KCND2: variants seen among roughly 807,000 people sequenced by gnomAD.
The protein encoded by KCND2 is potassium voltage-gated channel subfamily D member 2.
KCND2 carries 16 observed loss-of-function variants against 54.4 expected under a neutral mutation model. The ratio of observed to expected loss-of-function variants is 0.29; its 90% CI spans 0.20 to 0.45. KCND2 has a LOEUF of 0.45. KCND2 is among the 20% of genes least tolerant of loss of function. The pLI is 1.00. For synonymous variants in KCND2, 317 were observed against 310.7 expected (o/e 1.02, Z -0.21); for missense variants, 486 against 824.2 (o/e 0.59, Z 5.02).
intron 1 of KCND2, among the ~76,000 whole-genome samples, chr7:120,288,257 G>A (rs899583779): frequency 2.0e-5 from 3 of 152,000 alleles, no homozygotes; most frequent in East Asian, 1.9e-4. Context: ...AAAAGAAGAC[G>A]GCACAAAGTA....
chr7:120,283,731 T>C (rs1052742900), intron 1 of KCND2, among the ~76,000 whole-genome samples: 1 of 152,176 alleles, frequency 6.6e-6, no homozygotes, highest in Non-Finnish European at 1.5e-5. Context: ...AATTGTAATA[T>C]TAGTGTTCAA....
intron 1 of KCND2, among the ~76,000 whole-genome samples, chr7:120,485,048 A>G (rs1584797528): frequency 6.6e-6 from 1 of 151,842 alleles, no homozygotes; most frequent in African/African-American, 2.4e-5. Flanking sequence ...CATCACTCCC[A>G]GCTAACTTTT....
rs372893395 is a variant in KCND2, at chr7:120,275,676, G to A, written c.1044G>A (p.Gly348=). 2.5e-6 allele frequency: 4 copies of A among 1,603,032 alleles called. No homozygotes were observed. Among genetic ancestry groups the A allele is most frequent in the South Asian group, 2.2e-5 (2 of 91,068 alleles). Residue 348 remains glycine (G), a synonymous_variant, in exon 1 of 6, where the codon GGG becomes GGA. Coordinates refer to ENST00000331113, the MANE Select transcript of KCND2 (RefSeq NM_012281.3). Reference sequence around the variant, plus strand: ...CAGTTATGTTCTACGCAGAGAAGGGGTCTTCGGCTAGCAAGTTCACCAGCA... The same window carrying A: ...CAGTTATGTTCTACGCAGAGAAGGGATCTTCGGCTAGCAAGTTCACCAGCA... ...FATVMFYAEK[G]SSASKFTSIP... is the part of the protein sequence containing the mutation.
intron 1 of KCND2, among the ~76,000 whole-genome samples, chr7:120,341,022 C>T (rs1800232144): frequency 6.6e-6 from 1 of 152,058 alleles, no homozygotes; most frequent in African/African-American, 2.4e-5. Flanking sequence ...TGTATTTGTG[C>T]ATAAGGGAAG....
intron 2 of KCND2, among the ~76,000 whole-genome samples, chr7:120,735,072 T>A (rs1792854106): frequency 6.6e-6 from 1 of 152,112 alleles, no homozygotes; most frequent in African/African-American, 2.4e-5. Flanking sequence ...CTGTAGTTAC[T>A]TGCTTTATGG....
chr7:120,328,220 T>C (rs1348814436), intron 1 of KCND2, among the ~76,000 whole-genome samples: 1 of 152,152 alleles, frequency 6.6e-6, no homozygotes, highest in Middle Eastern at 3.2e-3. Context: ...GGTATTGTTA[T>C]TGAAAGAGTT....
chr7:120,453,478 G>GCACTGC (rs1210467920), intron 1 of KCND2, among the ~76,000 whole-genome samples: 1 of 152,122 alleles, frequency 6.6e-6, no homozygotes, highest in African/African-American at 2.4e-5. Context: ...ACCCAATCCT[G>GCACTGC]CACTGCCACT....
chr7:120,517,610 C>G (rs1803215288), intron 1 of KCND2, among the ~76,000 whole-genome samples: 1 of 152,104 alleles, frequency 6.6e-6, no homozygotes, highest in Admixed American at 6.6e-5. Context: ...ATATCCATCT[C>G]TTAAATTTGT....
intron 1 of KCND2, among the ~76,000 whole-genome samples, chr7:120,484,254 G>A (rs1802658011): frequency 2.0e-5 from 3 of 152,030 alleles, no homozygotes; most frequent in Non-Finnish European, 4.4e-5. Context: ...CTAATCATAA[G>A]TTTTTACTTT....
At chr7:120,464,803 C>G (rs1170161165) in intron 1 of KCND2, among the ~76,000 whole-genome samples, 4 of 152,188 alleles carry the variant, frequency 2.6e-5, no homozygotes, top group African/African-American at 7.2e-5. Context: ...TGCCTTCTTT[C>G]TCATGTATTC....
At position 120,429,512 on chromosome 7, in the gene KCND2, AG is replaced by A. The variant is rs371167046; in HGVS notation, c.1115+153768del. ...GGAAGAGGTGGAGGAGGAGTGGGGC[AG>A]GGAGAGGGGGTTGGAGAGGGGGGAA... On this transcript the variant is annotated intron_variant, in intron 1 of 5. Transcript: ENST00000331113. 1.1e-3 allele frequency among the ~76,000 whole-genome samples: 149 copies of A among 132,784 alleles called. 2 individuals carry two copies. The Middle Eastern group carries it at 0.035, about 31-fold the overall frequency. The allele number at this position is 132,784 out of a possible 152,430, so 87.1% of individuals were successfully genotyped here.
chr7:120,561,004 C>T (rs1304028859), intron 1 of KCND2, among the ~76,000 whole-genome samples: 4 of 152,064 alleles, frequency 2.6e-5, no homozygotes, highest in East Asian at 1.9e-4. Context: ...CACATTACTG[C>T]GATTTTGCAA....
intron 1 of KCND2, among the ~76,000 whole-genome samples, chr7:120,715,092 G>A (rs780269255): frequency 1.3e-5 from 2 of 152,048 alleles, no homozygotes; most frequent in African/African-American, 2.4e-5. Flanking sequence ...AGCCTTTGCC[G>A]ATCAAAGTTG....
intron 1 of KCND2, among the ~76,000 whole-genome samples, chr7:120,661,543 T>G (rs1791865836): frequency 6.6e-6 from 1 of 151,802 alleles, no homozygotes; most frequent in Non-Finnish European, 1.5e-5. Flanking sequence ...CCAGCTACTC[T>G]GGAGGCTGAG....
chr7:120,612,151 G>T (rs1281771723), intron 1 of KCND2, among the ~76,000 whole-genome samples: 3 of 151,144 alleles, frequency 2.0e-5, no homozygotes, highest in Admixed American at 2.0e-4. Context: ...GAGAGCTATT[G>T]CATCATTGCT....
intron 1 of KCND2, among the ~76,000 whole-genome samples, chr7:120,579,583 G>T (rs577988443): frequency 1.0e-4 from 15 of 146,814 alleles, no homozygotes; most frequent in African/African-American, 3.5e-4. Context: ...GCCTGGAGAC[G>T]GGGCGAGACT....
At chr7:120,415,718 C>T (rs1801515241) in intron 1 of KCND2, among the ~76,000 whole-genome samples, 1 of 152,180 alleles carries the variant, frequency 6.6e-6, no homozygotes, top group South Asian at 2.1e-4. Context: ...TCATTCATGC[C>T]AGTGACCCAT....
intron 1 of KCND2, among the ~76,000 whole-genome samples, chr7:120,659,183 A>C (rs1461559687): frequency 6.6e-6 from 1 of 152,212 alleles, no homozygotes; most frequent in Non-Finnish European, 1.5e-5. Context: ...AGATCATTCA[A>C]ACTCAAGAGA....
intron 1 of KCND2, among the ~76,000 whole-genome samples, chr7:120,481,402 T>G (rs947484509): frequency 6.6e-5 from 10 of 152,164 alleles, no homozygotes; most frequent in Admixed American, 6.5e-4. Context: ...TTTGGAAAAT[T>G]TGTGGCCTGG....
Sources: gnomAD v4.1 joint callset for allele counts (sites outside exome capture counted in the v4.1 genomes callset) on GRCh38, gnomAD v4.1.1 for gene constraint, MANE v1.5 for transcripts, NCBI Gene and HGNC (gene_info 2026-07-23, HGNC 2026-07-21) for gene names.